PREP: variants seen among roughly 807,000 people sequenced by gnomAD.
PREP encodes dJ355L5.1 (prolyl endopeptidase).
PREP carries 29 observed loss-of-function variants against 87.6 expected under a neutral mutation model. That is an observed-to-expected ratio of 0.33 (90% confidence interval 0.25 to 0.45). The LOEUF is 0.45. PREP is among the 20% of genes least tolerant of loss of function. The pLI, the probability that PREP is intolerant of heterozygous loss-of-function variation, is 1.00. For missense variants in PREP, 695 were observed against 886.5 expected (o/e 0.78, Z 2.74); for synonymous variants, 337 against 328.6 (o/e 1.03, Z -0.28).
At chr6:105,369,977 C>T (rs548806161) in intron 5 of PREP, among the ~76,000 whole-genome samples, 49 of 152,120 alleles carry the variant, frequency 3.2e-4, no homozygotes, top group Non-Finnish European at 4.0e-4. Flanking sequence ...TATGGTCGGG[C>T]GTGGTGGCTC....
At chr6:105,303,112 C>CATGTATGTATGTATGT (rs141833268) in intron 10 of PREP, among the ~76,000 whole-genome samples, 12 of 150,778 alleles carry the variant, frequency 8.0e-5, no homozygotes, top group Admixed American at 2.6e-4. Flanking sequence ...AAATGAAGTC[C>CATGTATGTATGTATGT]ATGTATGTAT....
intron 10 of PREP, among the ~76,000 whole-genome samples, chr6:105,308,278 G>C (rs1168424682): frequency 6.6e-6 from 1 of 152,118 alleles, no homozygotes; most frequent in Admixed American, 6.5e-5. Flanking sequence ...AATGATCCTA[G>C]ATTCTCATAA....
intron 10 of PREP, among the ~76,000 whole-genome samples, chr6:105,306,566 T>C (rs73512086): frequency 0.015 from 2,238 of 152,244 alleles, 60 homozygotes; most frequent in African/African-American, 0.049. Flanking sequence ...CTATATCCCC[T>C]GTGACTTCTC....
At chr6:105,364,117 G>C (rs1772322149) in intron 6 of PREP, among the ~76,000 whole-genome samples, 2 of 152,332 alleles carry the variant, frequency 1.3e-5, no homozygotes, top group South Asian at 4.1e-4. Flanking sequence ...AATAGGCAAG[G>C]AGAGGGGCTT....
chr6:105,286,844 T>C (rs1465978191), intron 11 of PREP, among the ~76,000 whole-genome samples: 1 of 198 alleles, frequency 5.1e-3, no homozygotes, highest in African/African-American at 0.019. Context: ...CACTGGGTTC[T>C]GGGATGAAAA....
At chr6:105,323,211 T>G in intron 10 of PREP, 1 of 998,440 alleles carries the variant, frequency 1.0e-6, no homozygotes, top group East Asian at 6.0e-5. Flanking sequence ...ATTCAAATGT[T>G]TTATTGAGTG....
Position 105,278,440 on chromosome 6 carries a change from T to G in PREP, c.1839-2A>C. On this transcript the variant is annotated splice_acceptor_variant, in intron 14 of 14. Transcript: ENST00000652536. LOFTEE classifies it high-confidence loss of function. The surrounding 1 kb of genome is among the most constrained non-coding windows in gnomAD (Gnocchi z 4.2). ...TTCACATTATGCAATGGAGAGTATC[T>G]GGAAGGCAAAAACACCTTTGTGAGG... The G allele has an allele frequency of 6.2e-7, 1 of 1,605,652 alleles. No homozygotes were observed. The highest frequency in any genetic ancestry group is 8.5e-7 in the Non-Finnish European group (1 of 1,173,198).
At chr6:105,321,530 C>T (rs990930475) in intron 10 of PREP, among the ~76,000 whole-genome samples, 1 of 152,100 alleles carries the variant, frequency 6.6e-6, no homozygotes, top group Non-Finnish European at 1.5e-5. Flanking sequence ...TCTTAGCTGC[C>T]ATGTTTTATC....
chr6:105,339,953 G>A (rs916743423), intron 7 of PREP, among the ~76,000 whole-genome samples: 4 of 152,210 alleles, frequency 2.6e-5, no homozygotes, highest in African/African-American at 9.7e-5. Context: ...ATGGAACCAA[G>A]TTGGAAAACA....
At chr6:105,365,620 T>TG (rs1772365021) in intron 6 of PREP, among the ~76,000 whole-genome samples, 1 of 152,026 alleles carries the variant, frequency 6.6e-6, no homozygotes, top group Non-Finnish European at 1.5e-5. Flanking sequence ...CACATACAGC[T>TG]GGGTTGGGAA....
chr6:105,309,164 G>C (rs1770708647), intron 10 of PREP, among the ~76,000 whole-genome samples: 1 of 151,984 alleles, frequency 6.6e-6, no homozygotes, highest in South Asian at 2.1e-4. Context: ...CATTGCTCAA[G>C]GCTGGTCAAA....
chr6:105,367,021 T>C (rs1213175148), intron 6 of PREP, among the ~76,000 whole-genome samples: 2 of 152,198 alleles, frequency 1.3e-5, no homozygotes, highest in Admixed American at 1.3e-4. Flanking sequence ...GGATTGATGA[T>C]AACGGTTGTA....
chr6:105,320,256 C>T (rs2114642797), intron 10 of PREP, among the ~76,000 whole-genome samples: 1 of 152,310 alleles, frequency 6.6e-6, no homozygotes, highest in East Asian at 1.9e-4. Context: ...GAATTCTTAT[C>T]TGTGTTCCAG....
At position 105,374,116 on chromosome 6, in the gene PREP, T is replaced by G. The variant is rs1772625319; in HGVS notation, c.386-538A>C. ...TGCAATGTCCACACTGTCTGACCATTACAAGCCTAGGTAAATAAAGCCTGA... is the reference window on the plus strand; with the variant it reads ...TGCAATGTCCACACTGTCTGACCATGACAAGCCTAGGTAAATAAAGCCTGA... On this transcript the variant is annotated intron_variant, in intron 4 of 14. Transcript: ENST00000652536. Among the ~76,000 whole-genome samples the G allele has an allele frequency of 2.0e-5, 3 of 152,204 alleles. 1 individual carries two copies. In the South Asian group the frequency reaches 6.2e-4, roughly 32 times the overall value.
intron 7 of PREP, among the ~76,000 whole-genome samples, chr6:105,344,472 A>G (rs1315248620): frequency 6.7e-6 from 1 of 148,498 alleles, no homozygotes; most frequent in East Asian, 2.0e-4. Context: ...AGCCTGGGAG[A>G]TAGAGTGAGA....
At chr6:105,295,430 A>G (rs758194005) in intron 10 of PREP, among the ~76,000 whole-genome samples, 11 of 151,906 alleles carry the variant, frequency 7.2e-5, no homozygotes, top group Admixed American at 1.3e-4. Context: ...AATTTCTCCT[A>G]TCCTAGCCAA....
chr6:105,379,973 C>G (rs1030213596), intron 2 of PREP, among the ~76,000 whole-genome samples: 6 of 152,142 alleles, frequency 3.9e-5, no homozygotes, highest in Non-Finnish European at 4.4e-5. Flanking sequence ...TGCTACCAGC[C>G]CACAATGAGA....
At chr6:105,386,258 A>G (rs899991281) in intron 2 of PREP, among the ~76,000 whole-genome samples, 2 of 152,224 alleles carry the variant, frequency 1.3e-5, no homozygotes, top group African/African-American at 4.8e-5. Context: ...AGAGGTTCCA[A>G]CATTGCTAAG....
rs929854968 is a variant in PREP, at chr6:105,281,955, C to T, written c.1682-53G>A. ...GAGGCAGTCTATCATTAAACATCTA[C>T]ATAAACAAGGCAAGGCAATACTTAC... On this transcript the variant is annotated intron_variant, in intron 13 of 14. Coordinates refer to ENST00000652536, the MANE Select transcript of PREP (RefSeq NM_002726.5). The T allele has an allele frequency of 3.0e-5, 47 of 1,591,362 alleles. 1 individual carries two copies. In the East Asian group the frequency reaches 6.9e-4, roughly 23 times the overall value.
Sources: allele counts gnomAD v4.1 joint callset (sites outside exome capture counted in the v4.1 genomes callset), GRCh38; gene constraint gnomAD v4.1.1; non-coding constraint Gnocchi (gnomAD v3.1); transcripts MANE v1.5; gene names NCBI Gene and HGNC (gene_info 2026-07-23, HGNC 2026-07-21).